OTUD7A: variants seen among roughly 807,000 people sequenced by gnomAD.
The protein encoded by OTUD7A is OTU deubiquitinase 7A.
Under a neutral mutation model 65.7 loss-of-function variants are expected in OTUD7A, and 12 were observed. The observed-to-expected ratio is 0.18, with a 90% CI of 0.12 to 0.30. OTUD7A has a LOEUF of 0.30. OTUD7A is among the 10% of genes least tolerant of loss of function. OTUD7A has a pLI of 1.00. For missense variants in OTUD7A, 1,148 were observed against 1,304.8 expected (o/e 0.88, Z 1.85); for synonymous variants, 641 against 586.3 (o/e 1.09, Z -1.35).
chr15:31,765,998 C>G (rs1206634501), intron 1 of OTUD7A: 2 of 1,547,112 alleles, frequency 1.3e-6, no homozygotes, highest in Non-Finnish European at 1.8e-6. Context: ...CATCAAACTC[C>G]TGAGCACTAA....
intron 1 of OTUD7A, among the ~76,000 whole-genome samples, chr15:31,742,912 A>T (rs1894380863): frequency 6.6e-6 from 1 of 152,158 alleles, no homozygotes; most frequent in African/African-American, 2.4e-5. Context: ...ATTCACCAGG[A>T]AGACAATAAA....
At chr15:31,804,703 C>T (rs1387000128) in intron 1 of OTUD7A, among the ~76,000 whole-genome samples, 1 of 152,164 alleles carries the variant, frequency 6.6e-6, no homozygotes, top group Non-Finnish European at 1.5e-5. Context: ...ACTCTCCTTC[C>T]CCAGAGGAGC....
chr15:31,844,643 A>G (rs10152122), intron 1 of OTUD7A, among the ~76,000 whole-genome samples: 2,374 of 152,336 alleles, frequency 0.016, 64 homozygotes, highest in African/African-American at 0.054. Context: ...TACAACTCCC[A>G]GAACTCCTGA....
intron 3 of OTUD7A, among the ~76,000 whole-genome samples, chr15:31,584,635 G>C (rs573099059): frequency 6.6e-6 from 1 of 152,172 alleles, no homozygotes; most frequent in Non-Finnish European, 1.5e-5. Flanking sequence ...CCAAAGAATC[G>C]CAAGATTGTT....
intron 3 of OTUD7A, among the ~76,000 whole-genome samples, chr15:31,604,631 G>A (rs1293106620): frequency 1.3e-5 from 2 of 152,174 alleles, no homozygotes; most frequent in Non-Finnish European, 2.9e-5. Flanking sequence ...ATATTCAGCT[G>A]CTTCACAAAA....
intron 9 of OTUD7A, 27 bp downstream of exon 9, chr15:31,503,664 T>C (rs202151397): frequency 1.9e-6 from 3 of 1,613,894 alleles, no homozygotes; most frequent in Non-Finnish European, 2.5e-6. Flanking sequence ...GTGTCATGAA[T>C]ACAACACATC....
chr15:31,780,485 C>T (rs1185496232), intron 1 of OTUD7A, among the ~76,000 whole-genome samples: 2 of 152,172 alleles, frequency 1.3e-5, no homozygotes, highest in Admixed American at 1.3e-4. Context: ...TGGCAGGAGC[C>T]GGCGGGAGCT....
intron 5 of OTUD7A, among the ~76,000 whole-genome samples, chr15:31,538,065 TC>T (rs1887864502): frequency 6.6e-6 from 1 of 152,152 alleles, no homozygotes; most frequent in African/African-American, 2.4e-5. Context: ...GCAATTCCAC[TC>T]CCCTTGCCAT....
In OTUD7A at chr15:31,483,480, G is replaced by C. The variant is rs1443125057; in HGVS notation, c.2616C>G (p.Ala872=). Residue 872 remains alanine (A), a synonymous_variant, in exon 13 of 13, where the codon GCC becomes GCG. Transcript: ENST00000307050. ...FGALRDGLEF[A]DADAPTARSN... ...AGCGCGCGGTCGGCGCGTCGGCGTC[G>C]GCGAACTCCAGGCCGTCGCGCAGGG... 7.2e-7 allele frequency: 1 copy of C among 1,392,774 alleles called. No homozygotes were observed. Among genetic ancestry groups the C allele is most frequent in the African/African-American group, 1.5e-5 (1 of 65,320 alleles). The allele number at this position is 1,392,774 out of a possible 1,614,324, so 86.3% of individuals were successfully genotyped here. A position where few individuals can be genotyped will look rare whatever the true frequency, so the allele number is the denominator to read the frequency against.
chr15:31,729,868 G>T (rs967239769), intron 1 of OTUD7A, among the ~76,000 whole-genome samples: 4 of 152,106 alleles, frequency 2.6e-5, no homozygotes, highest in African/African-American at 9.7e-5. Context: ...CCAGCCCTCT[G>T]CCCTTTGTCC....
rs145237526 is a variant in OTUD7A at position 31,638,441 on chromosome 15, G to A, written c.151+16655C>T. On this transcript the variant is annotated intron_variant, in intron 3 of 12. Coordinates refer to ENST00000307050, the MANE Select transcript of OTUD7A (RefSeq NM_001382637.1). ...GTCACCCAGACTGGAGTAGAGTGGC[G>A]TGATTTCCACTCACTGCAACCTCTG... Among the ~76,000 whole-genome samples, 251 of 148,266 alleles carry A rather than the reference G, an allele frequency of 1.7e-3. 2 individuals carry two copies. The highest frequency in any genetic ancestry group is 7.1e-3 in the Middle Eastern group (2 of 282).
At chr15:31,726,808 G>A (rs1419305571) in intron 1 of OTUD7A, among the ~76,000 whole-genome samples, 3 of 152,168 alleles carry the variant, frequency 2.0e-5, no homozygotes, top group Non-Finnish European at 4.4e-5. Context: ...GGTTCTTTTT[G>A]TCAACAGTGT....
chr15:31,741,626 T>G (rs1468780502), intron 1 of OTUD7A, among the ~76,000 whole-genome samples: 3 of 152,092 alleles, frequency 2.0e-5, no homozygotes, highest in Non-Finnish European at 4.4e-5. Context: ...TAATAAAATA[T>G]TTTGAACTAA....
intron 3 of OTUD7A, among the ~76,000 whole-genome samples, chr15:31,612,906 C>T (rs574733044): frequency 5.3e-5 from 8 of 152,210 alleles, no homozygotes; most frequent in Non-Finnish European, 1.2e-4. Flanking sequence ...ACTTTAAGGC[C>T]ATAGTCACCA....
At chr15:31,655,319 C>T in intron 2 of OTUD7A, 69 bp from the exon 3 acceptor site, 1 of 683,994 alleles carries the variant, frequency 1.5e-6, no homozygotes. Context: ...CAACTACATG[C>T]AGAGACCTGA....
At chr15:31,680,223 T>C (rs1892681116) in intron 1 of OTUD7A, among the ~76,000 whole-genome samples, 1 of 152,202 alleles carries the variant, frequency 6.6e-6, no homozygotes, top group South Asian at 2.1e-4. Context: ...GGCATTTTTT[T>C]AGTATCTAAA....
intron 1 of OTUD7A, among the ~76,000 whole-genome samples, chr15:31,800,768 G>GT (rs1162233133): frequency 6.6e-6 from 1 of 152,078 alleles, no homozygotes; most frequent in Non-Finnish European, 1.5e-5. Flanking sequence ...CAGCCCCAGC[G>GT]TTTTTTTGTT....
chr15:31,632,351 C>T (rs1431531822), intron 3 of OTUD7A, among the ~76,000 whole-genome samples: 2 of 152,244 alleles, frequency 1.3e-5, no homozygotes, highest in Non-Finnish European at 2.9e-5. Context: ...TGCTAGAGGT[C>T]CACTCCAGAC....
At chr15:31,560,381 G>T (rs1217466035) in intron 4 of OTUD7A, among the ~76,000 whole-genome samples, 2 of 152,210 alleles carry the variant, frequency 1.3e-5, no homozygotes, top group Non-Finnish European at 2.9e-5. Flanking sequence ...TTCAGCCAGG[G>T]AATGAGAAAC....
Sources: allele counts gnomAD v4.1 joint callset (sites outside exome capture counted in the v4.1 genomes callset), GRCh38; gene constraint gnomAD v4.1.1; transcripts MANE v1.5; gene names NCBI Gene and HGNC (gene_info 2026-07-23, HGNC 2026-07-21).